Variants in SP140L observed in about 807,000 individuals in gnomAD.
SP140L encodes SP140 like nuclear body protein.
Under a neutral mutation model 84.3 loss-of-function variants are expected in SP140L, and 64 were observed. The ratio of observed to expected loss-of-function variants is 0.76; its 90% CI spans 0.62 to 0.94. The LOEUF (loss-of-function observed/expected upper bound fraction) is 0.94. Among genes scored for constraint, SP140L ranks in the 40% least tolerant of loss-of-function variants. SP140L has a pLI of 0.00. For synonymous variants in SP140L, 242 were observed against 236.9 expected (o/e 1.02, Z -0.20); for missense variants, 628 against 692.5 (o/e 0.91, Z 1.05).
chr2:230,396,615 C>A, intron 13 of SP140L, 142 bp from the exon 14 acceptor site: 1 of 914,306 alleles, frequency 1.1e-6, no homozygotes, highest in Non-Finnish European at 1.7e-6. Flanking sequence ...CCACCCCAGC[C>A]TACTGGCCTT....
At chr2:230,394,539 C>T (rs11686704) in intron 13 of SP140L, among the ~76,000 whole-genome samples, 33,874 of 152,124 alleles carry the variant, frequency 0.22, 4,220 homozygotes, top group Non-Finnish European at 0.29. Flanking sequence ...ATGATGTCAC[C>T]TATTCAGTGA....
intron 2 of SP140L, among the ~76,000 whole-genome samples, chr2:230,344,281 G>A (rs1040587587): frequency 1.3e-5 from 2 of 152,090 alleles, no homozygotes; most frequent in African/African-American, 4.8e-5. Flanking sequence ...TGTTCTCTTT[G>A]TCTTTTTAAA....
In SP140L at chr2:230,327,296, C is replaced by G; in HGVS notation, c.27C>G (p.Ser9Arg). The change falls in exon 1 of 19, where the codon AGC becomes AGG. Residue 9 changes from serine (S) to arginine (R), a missense_variant. This residue lies in a region of SP140L where 525 missense variants were observed against 518.4 expected (regional missense o/e 1.01). Transcript: ENST00000415673. MAGGGSDL[S>R]TRGLNGGVSQ... The stretch of plus-strand genomic sequence containing the variant: ...TGGCAGGTGGGGGCAGCGACCTGAG[C>G]ACCAGGTGAGTCTTTATCTCTCTTC... The G allele has an allele frequency of 6.2e-7, 1 of 1,611,624 alleles. No individual in the cohort carries two copies. Among genetic ancestry groups the G allele is most frequent in the Non-Finnish European group, 8.5e-7 (1 of 1,178,930 alleles).
chr2:230,365,656 C>T (rs1042734850), intron 5 of SP140L, among the ~76,000 whole-genome samples: 1 of 151,412 alleles, frequency 6.6e-6, no homozygotes, highest in Non-Finnish European at 1.5e-5. Flanking sequence ...TTTATTATTT[C>T]CTTCTTTCTA....
intron 5 of SP140L, among the ~76,000 whole-genome samples, chr2:230,366,759 A>G (rs2060890413): frequency 7.3e-6 from 1 of 137,042 alleles, no homozygotes; most frequent in Admixed American, 7.2e-5. Flanking sequence ...TTGGAGACAG[A>G]GTCTCACTCT....
At chr2:230,370,418 G>C (rs1281227143) in intron 5 of SP140L, among the ~76,000 whole-genome samples, 4 of 152,106 alleles carry the variant, frequency 2.6e-5, no homozygotes, top group Non-Finnish European at 5.9e-5. Flanking sequence ...ACCCCAGAAA[G>C]GAATAAAGGC....
At chr2:230,386,332 A>G (rs1452000588) in intron 9 of SP140L, among the ~76,000 whole-genome samples, 1 of 152,192 alleles carries the variant, frequency 6.6e-6, no homozygotes, top group Non-Finnish European at 1.5e-5. Flanking sequence ...TGGACAGACC[A>G]GGACAATTGG....
intron 2 of SP140L, among the ~76,000 whole-genome samples, chr2:230,337,067 A>C (rs1403342482): frequency 2.6e-5 from 4 of 152,256 alleles, no homozygotes; most frequent in Non-Finnish European, 4.4e-5. Flanking sequence ...AGGAATCGCC[A>C]CACTGACTTC....
intron 2 of SP140L, among the ~76,000 whole-genome samples, chr2:230,340,377 A>G (rs2060004367): frequency 6.7e-6 from 1 of 148,288 alleles, no homozygotes; most frequent in South Asian, 2.1e-4. Flanking sequence ...TTTTGAGCCA[A>G]TGTGTGTCTC....
intron 2 of SP140L, among the ~76,000 whole-genome samples, chr2:230,351,127 A>T (rs1287977095): frequency 6.6e-6 from 1 of 152,240 alleles, no homozygotes; most frequent in Non-Finnish European, 1.5e-5. Context: ...TATAGGGTAG[A>T]TTCCAAAAGC....
chr2:230,356,410 A>G (rs1003048363), intron 2 of SP140L, among the ~76,000 whole-genome samples: 1 of 152,230 alleles, frequency 6.6e-6, no homozygotes, highest in African/African-American at 2.4e-5. Context: ...ATACCACTCA[A>G]CAACAAAAAT....
chr2:230,363,062 T>C (rs1418046514), intron 5 of SP140L, among the ~76,000 whole-genome samples: 1 of 152,146 alleles, frequency 6.6e-6, no homozygotes, highest in Non-Finnish European at 1.5e-5. Flanking sequence ...AATGGCTTTA[T>C]TGAGGTATTA....
At chr2:230,356,158 G>GCCAT (rs1342383837) in intron 2 of SP140L, among the ~76,000 whole-genome samples, 1 of 152,052 alleles carries the variant, frequency 6.6e-6, no homozygotes, top group Non-Finnish European at 1.5e-5. Flanking sequence ...AACTAGAAAG[G>GCCAT]CCATCACTGG....
rs1253657256 is a variant in SP140L, at chr2:230,371,783, CA to C, written c.637+138del. ...GTGGTAGAGAGAATGATGGCCACCC[CA>C]AAAAACGTCCACCTCCTAATCCCTG... On this transcript the variant is annotated intron_variant, in intron 7 of 18. Coordinates refer to ENST00000415673, the MANE Select transcript of SP140L (RefSeq NM_138402.6). The C allele has an allele frequency of 5.0e-6, 4 of 800,898 alleles. No individual in the cohort carries two copies. In the Admixed American group the frequency reaches 7.5e-5, roughly 15 times the overall value. The allele number at this position is 800,898 out of a possible 1,614,324, so 49.6% of individuals were successfully genotyped here.
At chr2:230,373,697 A>G (rs914580212) in intron 7 of SP140L, among the ~76,000 whole-genome samples, 2 of 152,222 alleles carry the variant, frequency 1.3e-5, no homozygotes, top group African/African-American at 4.8e-5. Context: ...CTAACACAAC[A>G]TCCATTCAGC....
Position 230,397,502 on chromosome 2 carries a change from C to G in SP140L, c.1197+704C>G, listed in dbSNP as rs573373923. 1.1e-4 allele frequency among the ~76,000 whole-genome samples: 16 copies of G among 152,262 alleles called. No homozygotes were observed. In the South Asian group the frequency reaches 2.9e-3, roughly 28 times the overall value. ...TGCAAACTTTCTGATCCCCTGGGCC[C>G]CATCCATTCTCTGCTTGCTATATGA... On this transcript the variant is annotated intron_variant, in intron 14 of 18. Transcript: ENST00000415673.
chr2:230,395,402 T>G (rs1196509183), intron 13 of SP140L, among the ~76,000 whole-genome samples: 1 of 151,894 alleles, frequency 6.6e-6, no homozygotes, highest in Non-Finnish European at 1.5e-5. Flanking sequence ...CATCGTGAGA[T>G]ATCATCTCTA....
At chr2:230,397,652 G>A (rs2062110941) in intron 14 of SP140L, among the ~76,000 whole-genome samples, 1 of 152,144 alleles carries the variant, frequency 6.6e-6, no homozygotes, top group Non-Finnish European at 1.5e-5. Flanking sequence ...CACAACTCCA[G>A]GGGGCAGGAC....
chr2:230,327,561 G>A (rs898872212), intron 1 of SP140L, among the ~76,000 whole-genome samples: 13 of 152,170 alleles, frequency 8.5e-5, no homozygotes, highest in Non-Finnish European at 1.2e-4. Context: ...CTCAGCTGGC[G>A]GGGACACTCT....
Sources: gnomAD v4.1 joint callset for allele counts (sites outside exome capture counted in the v4.1 genomes callset) on GRCh38, gnomAD v4.1.1 for gene constraint, gnomAD v4.1.1 regional missense constraint, MANE v1.5 for transcripts, NCBI Gene and HGNC (gene_info 2026-07-23, HGNC 2026-07-21) for gene names.